Variants in RGS7 observed in about 807,000 individuals in gnomAD.
The protein encoded by RGS7 is regulator of G-protein signaling 7.
In RGS7, 27 loss-of-function variants were observed where a neutral mutation model predicts 81.1. The ratio of observed to expected loss-of-function variants is 0.33; its 90% CI spans 0.25 to 0.46. RGS7 has a LOEUF of 0.46. Ranked by LOEUF, RGS7 falls within the 20% of genes least tolerant of loss-of-function variation. RGS7 has a pLI of 1.00. For synonymous variants in RGS7, 208 were observed against 207.7 expected, an observed-to-expected ratio of 1.00 and a Z score of -0.01; for missense variants, 396 against 607.4, an observed-to-expected ratio of 0.65 and a Z score of 3.66.
At chr1:241,308,353 C>T (rs528196133) in intron 2 of RGS7, among the ~76,000 whole-genome samples, 6 of 152,296 alleles carry the variant, frequency 3.9e-5, no homozygotes, top group Admixed American at 3.9e-4. Context: ...CAATTCTATT[C>T]CAAATACTGC....
At chr1:241,172,099 T>C (rs2070776952) in intron 2 of RGS7, among the ~76,000 whole-genome samples, 1 of 152,246 alleles carries the variant, frequency 6.6e-6, no homozygotes, top group Non-Finnish European at 1.5e-5. Context: ...CAACATAGCA[T>C]TTCTCTGCCA....
chr1:241,140,069 G>C (rs897280753), intron 2 of RGS7, among the ~76,000 whole-genome samples: 4 of 152,108 alleles, frequency 2.6e-5, no homozygotes, highest in African/African-American at 9.7e-5. Context: ...CTTCTCTCTT[G>C]TCTCCCCTCA....
intron 2 of RGS7, among the ~76,000 whole-genome samples, chr1:241,121,464 A>C (rs2066248613): frequency 6.6e-6 from 1 of 152,172 alleles, no homozygotes; most frequent in African/African-American, 2.4e-5. Context: ...CAACAATAAA[A>C]TCATCACTTG....
At chr1:241,049,373 GAC>G (rs1223034400) in intron 3 of RGS7, among the ~76,000 whole-genome samples, 1 of 152,234 alleles carries the variant, frequency 6.6e-6, no homozygotes, top group East Asian at 1.9e-4. Flanking sequence ...AGATGCATTA[GAC>G]ACACACACAA....
chr1:241,208,597 A>G lies in RGS7; in HGVS notation c.79-109835T>C, dbSNP rs114243075. 1.8e-3 allele frequency among the ~76,000 whole-genome samples: 274 copies of G among 152,126 alleles called. 1 individual carries two copies. The highest frequency in any genetic ancestry group is 6.4e-3 in the African/African-American group (264 of 41,478). On this transcript the variant is annotated intron_variant, in intron 2 of 18. Transcript: ENST00000440928. Reference sequence around the variant, plus strand: ...CCATGTAGTTACCTCCGTCATGACAAAGAGGAACATCCCAGGTGCAAATCT... The same window carrying G: ...CCATGTAGTTACCTCCGTCATGACAGAGAGGAACATCCCAGGTGCAAATCT...
intron 2 of RGS7, among the ~76,000 whole-genome samples, chr1:241,346,981 G>T (rs2082934849): frequency 6.6e-6 from 1 of 152,014 alleles, no homozygotes; most frequent in African/African-American, 2.4e-5. Context: ...CTCTCTACAT[G>T]GTACCAAATT....
chr1:241,281,063 GAAA>G (rs573772666), intron 2 of RGS7, among the ~76,000 whole-genome samples: 3 of 151,928 alleles, frequency 2.0e-5, no homozygotes, highest in Non-Finnish European at 4.4e-5. Context: ...AAAAAAATAA[GAAA>G]AAGTTAGGTA....
chr1:241,220,771 A>T (rs1350978807), intron 2 of RGS7, among the ~76,000 whole-genome samples: 2 of 152,022 alleles, frequency 1.3e-5, no homozygotes, highest in Non-Finnish European at 2.9e-5. Context: ...AGGTTGGCTC[A>T]TGCCTATAAT....
chr1:241,246,340 C>T (rs1002897685), intron 2 of RGS7, among the ~76,000 whole-genome samples: 2 of 151,962 alleles, frequency 1.3e-5, no homozygotes, highest in Non-Finnish European at 2.9e-5. Flanking sequence ...ATATATATAC[C>T]AATGCTTCAC....
At chr1:241,080,362 A>G (rs552450407) in intron 3 of RGS7, among the ~76,000 whole-genome samples, 9 of 152,086 alleles carry the variant, frequency 5.9e-5, no homozygotes, top group Non-Finnish European at 1.3e-4. Flanking sequence ...TTATTATTTA[A>G]TGAAAGTGAT....
chr1:241,165,794 A>T (rs1195793604), intron 2 of RGS7, among the ~76,000 whole-genome samples: 3 of 151,618 alleles, frequency 2.0e-5, no homozygotes, highest in Non-Finnish European at 4.4e-5. Context: ...AATAAAAAAA[A>T]AAAAAAACCA....
chr1:241,333,640 C>G (rs1486824207), intron 2 of RGS7, among the ~76,000 whole-genome samples: 1 of 152,096 alleles, frequency 6.6e-6, no homozygotes, highest in Non-Finnish European at 1.5e-5. Context: ...ATACGGCACT[C>G]TTTTACTACA....
chr1:241,169,001 T>G (rs937535209), intron 2 of RGS7, among the ~76,000 whole-genome samples: 1 of 152,196 alleles, frequency 6.6e-6, no homozygotes, highest in African/African-American at 2.4e-5. Context: ...ACATCTTCAT[T>G]TCAGCCTTGT....
chr1:240,862,927 G>A (rs1326212659), intron 9 of RGS7, among the ~76,000 whole-genome samples: 1 of 121,536 alleles, frequency 8.2e-6, no homozygotes, highest in Non-Finnish European at 1.6e-5. Context: ...AACTAAATAT[G>A]TGTGTGTGTG....
At chr1:241,044,642 G>A (rs1314548026) in intron 3 of RGS7, among the ~76,000 whole-genome samples, 1 of 151,796 alleles carries the variant, frequency 6.6e-6, no homozygotes, top group Non-Finnish European at 1.5e-5. Context: ...ATATTGCTAA[G>A]GTTGATCTTG....
At chr1:240,810,847 G>T (rs1427780707) in intron 14 of RGS7, among the ~76,000 whole-genome samples, 1 of 152,202 alleles carries the variant, frequency 6.6e-6, no homozygotes, top group East Asian at 1.9e-4. Flanking sequence ...TTAGCAGCAA[G>T]ATCTTGCAAA....
At chr1:240,866,315 T>A (rs1297064130) in intron 9 of RGS7, among the ~76,000 whole-genome samples, 1 of 151,700 alleles carries the variant, frequency 6.6e-6, no homozygotes, top group African/African-American at 2.4e-5. Flanking sequence ...ATCGAGATCA[T>A]CCTTGCTAAC....
chr1:240,953,384 A>G (rs959274011), intron 4 of RGS7, among the ~76,000 whole-genome samples: 1 of 151,920 alleles, frequency 6.6e-6, no homozygotes, highest in South Asian at 2.1e-4. Flanking sequence ...GAAATCATAC[A>G]AAGTATATTC....
intron 2 of RGS7, among the ~76,000 whole-genome samples, chr1:241,134,267 G>T (rs1211277224): frequency 6.6e-6 from 1 of 152,170 alleles, no homozygotes. Flanking sequence ...TGCTGCTCCA[G>T]ACCTATCTTC....
Sources: gnomAD v4.1 joint callset for allele counts (sites outside exome capture counted in the v4.1 genomes callset) on GRCh38, gnomAD v4.1.1 for gene constraint, MANE v1.5 for transcripts, NCBI Gene and HGNC (gene_info 2026-07-23, HGNC 2026-07-21) for gene names.